Variants in RB1 observed in about 807,000 individuals in gnomAD.
RB1 encodes RB transcriptional corepressor 1, also known as retinoblastoma-associated protein.
RB1 carries 18 observed loss-of-function variants against 135.4 expected under a neutral mutation model. That is an observed-to-expected ratio of 0.13 (90% CI 0.09 to 0.20). The LOEUF is 0.20. RB1 is among the 10% of genes least tolerant of loss of function. RB1 has a pLI of 1.00. For missense variants in RB1, 868 were observed against 1,110.0 expected (o/e 0.78, Z 3.10); for synonymous variants, 365 against 373.2 (o/e 0.98, Z 0.25).
At chr13:48,312,499 C>T (rs757209046) in intron 2 of RB1, among the ~76,000 whole-genome samples, 8 of 152,322 alleles carry the variant, frequency 5.3e-5, no homozygotes, top group South Asian at 2.1e-4. Flanking sequence ...ATACTCTTTG[C>T]AGCTTTCTGC....
intron 2 of RB1, among the ~76,000 whole-genome samples, chr13:48,333,670 A>C (rs1221160127): frequency 6.6e-6 from 1 of 151,512 alleles, no homozygotes; most frequent in African/African-American, 2.4e-5. Context: ...TGGAACCAAC[A>C]GTCTTAACTT....
At chr13:48,345,639 C>G (rs1247848323) in intron 4 of RB1, among the ~76,000 whole-genome samples, 1 of 152,104 alleles carries the variant, frequency 6.6e-6, no homozygotes, top group African/African-American at 2.4e-5. Context: ...GGACTTTTTC[C>G]ATTACAGTTC....
intron 24 of RB1, among the ~76,000 whole-genome samples, chr13:48,474,561 C>T (rs1949492518): frequency 6.6e-6 from 1 of 152,104 alleles, no homozygotes; most frequent in Non-Finnish European, 1.5e-5. Flanking sequence ...AAAATGTAAG[C>T]CCGATATCCA....
chr13:48,365,032 T>C, intron 9 of RB1, 61 bp downstream of exon 9: 1 of 1,502,568 alleles, frequency 6.7e-7, no homozygotes, highest in Non-Finnish European at 8.9e-7. Context: ...GGAGGATAAT[T>C]GTCTAACTTT....
rs4151536 is a variant in RB1 at position 48,377,460 on chromosome 13, T to C, written c.1332+426T>C. ...AAAGCTAATATAATAGGTAAGAGTA[T>C]GGGCCATGGAGTGACAGCCCTGGGT... On this transcript the variant is annotated intron_variant, in intron 13 of 26. Coordinates refer to ENST00000267163, the MANE Select transcript of RB1 (RefSeq NM_000321.3). Among the ~76,000 whole-genome samples, 845 of 152,320 alleles carry C rather than the reference T, an allele frequency of 5.5e-3. 5 individuals are homozygous for C. Among genetic ancestry groups the C allele is most frequent in the Middle Eastern group, 0.01 (3 of 294 alleles).
chr13:48,394,977 A>G (rs1417738922), intron 17 of RB1, among the ~76,000 whole-genome samples: 2 of 152,200 alleles, frequency 1.3e-5, no homozygotes, highest in African/African-American at 2.4e-5. Context: ...AGGAATCAAC[A>G]GACACCTCAT....
At chr13:48,307,716 A>AT (rs397782403) in intron 2 of RB1, among the ~76,000 whole-genome samples, 1 of 150,224 alleles carries the variant, frequency 6.7e-6, no homozygotes, top group East Asian at 1.9e-4. Context: ...AAAAAAAAAA[A>AT]TTAGCAGGGT....
intron 23 of RB1, among the ~76,000 whole-genome samples, chr13:48,471,569 T>C (rs998200427): frequency 2.5e-3 from 42 of 16,772 alleles, no homozygotes; most frequent in African/African-American, 2.9e-3. Context: ...ATAAAAAATA[T>C]AAATAAAAAA....
chr13:48,317,483 G>T, intron 2 of RB1: 1 of 439,208 alleles, frequency 2.3e-6, no homozygotes, highest in South Asian at 2.3e-5. Flanking sequence ...AGGAAGCCCC[G>T]GCTCCCGCAG....
intron 4 of RB1, among the ~76,000 whole-genome samples, chr13:48,345,815 G>C (rs975930348): frequency 6.6e-6 from 1 of 152,282 alleles, no homozygotes. Context: ...GAAAGTTACA[G>C]TGTTAGCTAA....
intron 9 of RB1, 76 bp from the exon 10 acceptor site, chr13:48,367,418 T>C: frequency 1.3e-6 from 2 of 1,499,948 alleles, no homozygotes; most frequent in East Asian, 2.3e-5. Flanking sequence ...AATTCTTTAA[T>C]GAAATCTGTG....
At chr13:48,352,368 G>GTTT (rs201652377) in intron 6 of RB1, among the ~76,000 whole-genome samples, 1 of 145,160 alleles carries the variant, frequency 6.9e-6, no homozygotes. Flanking sequence ...TTTTAAAATA[G>GTTT]TTTTTTTTTT....
At chr13:48,433,478 C>CGTA (rs1459905746) in intron 17 of RB1, among the ~76,000 whole-genome samples, 26 of 152,158 alleles carry the variant, frequency 1.7e-4, no homozygotes, top group African/African-American at 6.3e-4. Flanking sequence ...CCTCAGAGTA[C>CGTA]CTGCTGGAGA....
chr13:48,371,089 A>G (rs1952753355), intron 11 of RB1, among the ~76,000 whole-genome samples: 1 of 152,244 alleles, frequency 6.6e-6, no homozygotes, highest in Non-Finnish European at 1.5e-5. Context: ...AAATGAGAGT[A>G]GGAAGTCACA....
At chr13:48,373,282 T>C in intron 11 of RB1, 123 bp from the exon 12 acceptor site, 2 of 684,836 alleles carry the variant, frequency 2.9e-6, no homozygotes, top group Non-Finnish European at 5.3e-6. Flanking sequence ...TGAGGGAATG[T>C]AGAGACAAGT....
At chr13:48,317,843 G>T in intron 2 of RB1, 1 of 368,732 alleles carries the variant, frequency 2.7e-6, no homozygotes, top group Non-Finnish European at 5.2e-6. Flanking sequence ...CCAGGCGGTG[G>T]GGCCCGCTCC....
chr13:48,380,105 A>G lies in RB1; in HGVS notation c.1421+21A>G. 4.2e-6 allele frequency: 6 copies of G among 1,441,410 alleles called. No homozygotes were observed. The South Asian group carries it at 8.2e-5, about 20-fold the overall frequency. The allele number at this position is 1,441,410 out of a possible 1,614,324, so 89.3% of individuals were successfully genotyped here. On this transcript the variant is annotated intron_variant, in intron 15 of 26. Transcript: ENST00000267163. ...TTTAGGTAAATTTTTTACTTTTAGT[A>G]AAAAATTTTTTTCTTTTTATAGAAG...
chr13:48,442,353 A>G (rs961847304), intron 17 of RB1, among the ~76,000 whole-genome samples: 5 of 152,112 alleles, frequency 3.3e-5, no homozygotes, highest in African/African-American at 1.2e-4. Flanking sequence ...GGCGCATGCA[A>G]CCATGCCCGG....
At chr13:48,464,816 C>A (rs1949427002) in intron 21 of RB1, among the ~76,000 whole-genome samples, 182 bp from the exon 22 acceptor site, 1 of 152,066 alleles carries the variant, frequency 6.6e-6, no homozygotes, top group Admixed American at 6.5e-5. Context: ...CAGCTATAAT[C>A]CAAGCCTAAG....
Sources: gnomAD v4.1 joint callset for allele counts (sites outside exome capture counted in the v4.1 genomes callset) on GRCh38, gnomAD v4.1.1 for gene constraint, MANE v1.5 for transcripts, NCBI Gene and HGNC (gene_info 2026-07-23, HGNC 2026-07-21) for gene names.